The following CASP8 variants were observed in gnomAD, a reference collection of about 807,000 sequenced individuals.
The protein encoded by CASP8 is caspase-8.
A neutral mutation model predicts 46.3 loss-of-function variants in CASP8; 24 were observed. The ratio of observed to expected loss-of-function variants is 0.52; its 90% CI spans 0.38 to 0.73. The LOEUF (loss-of-function observed/expected upper bound fraction) is 0.73, where lower values mean the gene tolerates loss of function less well. Ranked by LOEUF, CASP8 falls within the 30% of genes least tolerant of loss-of-function variation. The pLI, the probability that CASP8 is intolerant of heterozygous loss-of-function variation, is 0.00. For missense variants in CASP8, 460 were observed against 559.0 expected (o/e 0.82, Z 1.79); for synonymous variants, 188 against 200.4 (o/e 0.94, Z 0.52).
chr2:201,271,658 A>C (rs376110274), intron 3 of CASP8, 37 bp downstream of exon 3: 7 of 1,300,982 alleles, frequency 5.4e-6, no homozygotes, highest in Non-Finnish European at 7.8e-6. Context: ...TAGTCCTGAG[A>C]CTTGGTTAGC....
intron 2 of CASP8, among the ~76,000 whole-genome samples, chr2:201,239,856 G>A (rs1337473421): frequency 6.6e-6 from 1 of 152,178 alleles, no homozygotes; most frequent in Non-Finnish European, 1.5e-5. Context: ...GATGCAAGCT[G>A]GGACAGCATT....
intron 2 of CASP8, among the ~76,000 whole-genome samples, chr2:201,255,111 T>A (rs187215867): frequency 6.6e-6 from 1 of 152,308 alleles, no homozygotes; most frequent in Non-Finnish European, 1.5e-5. Context: ...TGAGACGGAG[T>A]GTCCCTCTGT....
chr2:201,286,993 A>ACTT lies in CASP8; in HGVS notation c.*400_*402dup, dbSNP rs2125516620. The ACTT allele has an allele frequency of 4.4e-6, 1 of 226,456 alleles. No individual in the cohort carries two copies. Among genetic ancestry groups the ACTT allele is most frequent in the South Asian group, 5.9e-5 (1 of 16,808 alleles). 14.0% of individuals were successfully genotyped at this position (226,456 alleles called of 1,614,324 possible). ...TTTTCTACTTTATTAATTGTTTTGC[A>ACTT]CTTTTTTATAAGAGCTAAAGTTAAA... On this transcript the variant is annotated 3_prime_UTR_variant, in exon 9 of 9. Transcript: ENST00000673742.
chr2:201,270,528 T>G (rs1948169604), intron 2 of CASP8, among the ~76,000 whole-genome samples: 1 of 152,190 alleles, frequency 6.6e-6, no homozygotes, highest in South Asian at 2.1e-4. Context: ...ACCTGGCCAC[T>G]AGGGGACTTG....
In CASP8 at chr2:201,272,871, T is replaced by C. The variant is rs1390969160; in HGVS notation, c.551-27T>C. 13 of 1,614,078 alleles carry C rather than the reference T, an allele frequency of 8.1e-6. No individual in the cohort carries two copies. The highest frequency in any genetic ancestry group is 1.1e-5 in the Non-Finnish European group (13 of 1,179,908). ...ATCACAGTTGTTTCTAATCAAATAT[T>C]GTTTGGGGTTTCCCCTTTTAATTCA... is the stretch of plus-strand genomic sequence containing the variant. On this transcript the variant is annotated intron_variant, in intron 4 of 8. Coordinates refer to ENST00000673742, the MANE Select transcript of CASP8 (RefSeq NM_001372051.1). The surrounding 1 kb of genome is among the most constrained non-coding windows in gnomAD (Gnocchi z 4.4).
intron 2 of CASP8, among the ~76,000 whole-genome samples, chr2:201,237,438 TAAAA>T (rs774127508): frequency 8.7e-5 from 4 of 46,106 alleles, no homozygotes; most frequent in Admixed American, 2.0e-4. Context: ...ATCTTCAGAG[TAAAA>T]AAAAAAAAAA....
At chr2:201,276,738 A>G (rs1948656432) in intron 6 of CASP8, 89 bp from the exon 7 acceptor site, 2 of 1,569,164 alleles carry the variant, frequency 1.3e-6, no homozygotes, top group Non-Finnish European at 1.7e-6. Context: ...TGCAATGGAA[A>G]GCAAGTCCTC....
rs2125154706 is a variant in CASP8 at position 201,266,669 on chromosome 2, C to T, written c.183C>T (p.Phe61=). ...TGTTGGAGGAAAGCAATCTGTCCTTCCTGAAGGAGCTGCTCTTCCGAATTA... is the reference window on the plus strand; with the variant it reads ...TGTTGGAGGAAAGCAATCTGTCCTTTCTGAAGGAGCTGCTCTTCCGAATTA... The part of the protein sequence containing the change: ...KRMLEESNLS[F]LKELLFRINR... The change falls in exon 2 of 9, where the codon TTC becomes TTT. Residue 61 remains phenylalanine (F), a synonymous_variant. Coordinates refer to ENST00000673742, the MANE Select transcript of CASP8 (RefSeq NM_001372051.1). The surrounding 1 kb of genome is among the most constrained non-coding windows in gnomAD (Gnocchi z 5.7). 1 of 1,614,076 alleles carries T rather than the reference C, an allele frequency of 6.2e-7. No homozygotes were observed. Among genetic ancestry groups the T allele is most frequent in the Non-Finnish European group, 8.5e-7 (1 of 1,179,970 alleles).
intron 2 of CASP8, among the ~76,000 whole-genome samples, chr2:201,268,527 G>A (rs1947988860): frequency 6.6e-6 from 1 of 151,858 alleles, no homozygotes; most frequent in African/African-American, 2.4e-5. Flanking sequence ...CTCCAGCCTG[G>A]GCAACAAGAG....
upstream of CASP8, chr2:201,258,339 AGGGGACTC>A: frequency 6.2e-7 from 1 of 1,613,966 alleles, no homozygotes; most frequent in East Asian, 2.2e-5. Context: ...TAGGCAGGTT[AGGGGACTC>A]GGAGACTGCG....
Position 201,276,929 on chromosome 2 carries a change from C to T in CASP8, c.763C>T (p.His255Tyr), listed in dbSNP as rs753592047. ...AKAREKVPKL[H>Y]SIRDRNGTHL... The stretch of plus-strand genomic sequence containing the variant: ...AGCACGGGAGAAAGTGCCCAAACTT[C>T]ACAGCATTAGGGACAGGAATGGAAC... The change falls in exon 7 of 9, where the codon CAC becomes TAC. Residue 255 changes from histidine to tyrosine, a missense_variant. By Grantham distance (83) the His-to-Tyr change is moderately conservative. Coordinates refer to ENST00000673742, the MANE Select transcript of CASP8 (RefSeq NM_001372051.1). 26 of 1,613,954 alleles carry T rather than the reference C, an allele frequency of 1.6e-5. No homozygotes were observed. The South Asian group carries it at 2.7e-4, about 17-fold the overall frequency.
At chr2:201,239,957 T>C (rs964357431) in intron 2 of CASP8, among the ~76,000 whole-genome samples, 15 of 152,220 alleles carry the variant, frequency 9.9e-5, no homozygotes, top group South Asian at 2.1e-4. Flanking sequence ...TCAGAGCATT[T>C]TGGGGACTTA....
chr2:201,240,026 A>T (rs1009037744), intron 2 of CASP8, among the ~76,000 whole-genome samples: 1 of 152,134 alleles, frequency 6.6e-6, no homozygotes, highest in Non-Finnish European at 1.5e-5. Flanking sequence ...TAGTTCATAG[A>T]GATTTTTGAA....
chr2:201,281,675 C>G (rs1949020638), intron 7 of CASP8, among the ~76,000 whole-genome samples: 2 of 152,034 alleles, frequency 1.3e-5, no homozygotes, highest in African/African-American at 2.4e-5. Context: ...ATCTTTTATT[C>G]AAAAATTGTT....
intron 2 of CASP8, among the ~76,000 whole-genome samples, chr2:201,252,390 C>T (rs1020152272): frequency 8.5e-5 from 13 of 152,260 alleles, no homozygotes; most frequent in Non-Finnish European, 1.2e-4. Context: ...ATTCTCCTGC[C>T]TCAGCCTCCC....
upstream of CASP8, among the ~76,000 whole-genome samples, chr2:201,257,782 C>A (rs1234175179): frequency 6.6e-6 from 1 of 152,206 alleles, no homozygotes; most frequent in Admixed American, 6.5e-5. Flanking sequence ...TCTGTGACTT[C>A]AGTGCTGAGG....
rs115511837 is a variant in CASP8 at position 201,243,136 on chromosome 2, G to A, written c.-27+9024G>A. On this transcript the variant is annotated intron_variant, in intron 2 of 6. Coordinates refer to the CASP8 transcript ENST00000264274. ...AGTTTTAGTTAAGCAAGATGAGTAAGTTCTAGAGATCTGCTGTACAACATT... is the reference window on the plus strand; with the variant it reads ...AGTTTTAGTTAAGCAAGATGAGTAAATTCTAGAGATCTGCTGTACAACATT... 1.2e-3 allele frequency among the ~76,000 whole-genome samples: 188 copies of A among 152,250 alleles called. 1 individual carries two copies. Among genetic ancestry groups the A allele is most frequent in the African/African-American group, 4.5e-3 (185 of 41,538 alleles).
At position 201,262,536 on chromosome 2, in the gene CASP8, AC is replaced by A. The variant is rs1947496497; in HGVS notation, c.-27+1924del. Among the ~76,000 whole-genome samples, 3 of 152,128 alleles carry A rather than the reference AC, an allele frequency of 2.0e-5. No homozygotes were observed. The South Asian group carries it at 6.2e-4, about 31-fold the overall frequency. Reference sequence around the variant, plus strand: ...ATTCAAATTTACATATGTTATATATACATGTGGAAAAAAAATTGGGAAAAGG... The same window carrying A: ...ATTCAAATTTACATATGTTATATATAATGTGGAAAAAAAATTGGGAAAAGG... On this transcript the variant is annotated intron_variant, in intron 1 of 8. Coordinates refer to ENST00000673742, the MANE Select transcript of CASP8 (RefSeq NM_001372051.1).
intron 2 of CASP8, among the ~76,000 whole-genome samples, chr2:201,270,741 A>T (rs1948187284): frequency 1.3e-5 from 2 of 152,148 alleles, no homozygotes; most frequent in Non-Finnish European, 2.9e-5. Flanking sequence ...TATGTTGCCC[A>T]GGCTGGTCTC....
Sources: allele counts gnomAD v4.1 joint callset (sites outside exome capture counted in the v4.1 genomes callset), GRCh38; gene constraint gnomAD v4.1.1; non-coding constraint Gnocchi (gnomAD v3.1); transcripts MANE v1.5; gene names NCBI Gene and HGNC (gene_info 2026-07-23, HGNC 2026-07-21).